The following SLC17A1 variants were observed in gnomAD, a reference collection of about 807,000 sequenced individuals.
SLC17A1 encodes sodium-dependent phosphate transport protein 1.
Under a neutral mutation model 53.5 loss-of-function variants are expected in SLC17A1, and 51 were observed. The observed-to-expected ratio is 0.95, with a 90% CI of 0.76 to 1.20. The LOEUF is 1.20. Ranked by LOEUF, SLC17A1 falls within the 50% of genes most tolerant of loss-of-function variation. The pLI, the probability that SLC17A1 is intolerant of heterozygous loss-of-function variation, is 0.00. For synonymous variants in SLC17A1, 179 were observed against 198.8 expected (o/e 0.90, Z 0.84); for missense variants, 538 against 568.2 (o/e 0.95, Z 0.54).
At chr6:25,756,220 A>G in the SLC17A1 span, among the ~76,000 whole-genome samples, 1 of 152,000 alleles carries the variant, frequency 6.6e-6, no homozygotes. Flanking sequence ...ATCTCCTACC[A>G]TTAACCTCCT....
intron 1 of SLC17A1, among the ~76,000 whole-genome samples, chr6:25,831,354 T>TGCC (rs1764940927): frequency 6.6e-6 from 1 of 152,102 alleles, no homozygotes; most frequent in Non-Finnish European, 1.5e-5. Context: ...GATACCAAAG[T>TGCC]CCTGAGATTG....
chr6:25,821,855 C>T (rs1764573916), intron 3 of SLC17A1, among the ~76,000 whole-genome samples: 1 of 152,010 alleles, frequency 6.6e-6, no homozygotes, highest in African/African-American at 2.4e-5. Context: ...TATATATACT[C>T]ATTTGTATGA....
the SLC17A1 span, among the ~76,000 whole-genome samples, chr6:25,728,106 C>T: frequency 3.3e-5 from 5 of 152,068 alleles, no homozygotes; most frequent in African/African-American, 9.7e-5. Context: ...AACTAAAAAG[C>T]GCAGCGACAT....
chr6:25,761,273 C>G, the SLC17A1 span, among the ~76,000 whole-genome samples: 2,230 of 152,272 alleles, frequency 0.015, 31 homozygotes, highest in Middle Eastern at 0.041. Flanking sequence ...CCTCTGTAAC[C>G]AAGTTTTGAA....
At chr6:25,760,775 T>A in the SLC17A1 span, among the ~76,000 whole-genome samples, 1,454 of 152,216 alleles carry the variant, frequency 9.6e-3, 16 homozygotes, top group Non-Finnish European at 0.013. Flanking sequence ...AATGCCTAAT[T>A]TTTTTTGTAT....
chr6:25,767,108 T>A, the SLC17A1 span, among the ~76,000 whole-genome samples: 1 of 152,144 alleles, frequency 6.6e-6, no homozygotes, highest in Non-Finnish European at 1.5e-5. Context: ...ATTAAAAATT[T>A]ATTAAGAAAA....
chr6:25,731,816 G>T, the SLC17A1 span: 1 of 1,601,176 alleles, frequency 6.2e-7, no homozygotes, highest in Admixed American at 1.7e-5. Flanking sequence ...TGACAGCCTT[G>T]GTGCCCTCCG....
the SLC17A1 span, chr6:25,770,947 T>C: frequency 6.2e-7 from 1 of 1,613,920 alleles, no homozygotes; most frequent in Non-Finnish European, 8.5e-7. Context: ...GGGTCCTTCA[T>C]TGTTCTACTT....
At chr6:25,812,798 G>A in intron 8 of SLC17A1, 33 bp downstream of exon 8, 1 of 1,522,052 alleles carries the variant, frequency 6.6e-7, no homozygotes, top group South Asian at 1.2e-5. Flanking sequence ...AGTCTTTCGT[G>A]AAGTTAAAAA....
the SLC17A1 span, among the ~76,000 whole-genome samples, chr6:25,756,126 C>A: frequency 6.6e-6 from 1 of 152,122 alleles, no homozygotes; most frequent in Non-Finnish European, 1.5e-5. Flanking sequence ...ATAGTAGATC[C>A]AGTCCCCTTA....
chr6:25,799,670 C>CCTA (rs1445217557), intron 11 of SLC17A1, among the ~76,000 whole-genome samples: 2 of 152,102 alleles, frequency 1.3e-5, no homozygotes, highest in African/African-American at 4.8e-5. Flanking sequence ...TGAGAACTGT[C>CCTA]TAAGTTAACT....
the SLC17A1 span, chr6:25,726,570 G>A: frequency 1.3e-6 from 2 of 1,573,510 alleles, no homozygotes; most frequent in Non-Finnish European, 1.7e-6. Context: ...CACATTTCTA[G>A]GGCTGCTACT....
downstream of SLC17A1, among the ~76,000 whole-genome samples, chr6:25,782,140 G>A (rs1449807873): frequency 6.6e-6 from 1 of 152,162 alleles, no homozygotes; most frequent in Non-Finnish European, 1.5e-5. Context: ...GCCCAAGATG[G>A]TGTCTTCATC....
intron 12 of SLC17A1, among the ~76,000 whole-genome samples, chr6:25,795,082 G>A (rs2151477738): frequency 6.6e-6 from 1 of 152,294 alleles, no homozygotes; most frequent in South Asian, 2.1e-4. Flanking sequence ...CAAACAGCAA[G>A]GCCCAGAATA....
chr6:25,822,906 A>G lies in SLC17A1; in HGVS notation c.208-2991T>C, dbSNP rs147764155. Among the ~76,000 whole-genome samples the G allele has an allele frequency of 7.6e-3, 1,154 of 152,264 alleles. 10 individuals are homozygous for G. The highest frequency in any genetic ancestry group is 0.017 in the Middle Eastern group (5 of 294). ...GTGAAGCTATCACCACAATTAAGAC[A>G]GTGAACATATTCTTTATCTCCAAAA... On this transcript the variant is annotated intron_variant, in intron 3 of 12. Coordinates refer to ENST00000244527, the MANE Select transcript of SLC17A1 (RefSeq NM_005074.5).
chr6:25,754,811 A>G, the SLC17A1 span: 1 of 152,112 alleles, frequency 6.6e-6, no homozygotes, highest in East Asian at 1.9e-4. Context: ...TTTACCCTTA[A>G]TATTCTGCTT....
At chr6:25,828,991 A>G (rs1432290565) in intron 2 of SLC17A1, among the ~76,000 whole-genome samples, 1 of 152,204 alleles carries the variant, frequency 6.6e-6, no homozygotes, top group Non-Finnish European at 1.5e-5. Flanking sequence ...TTCCGTTGTT[A>G]AAAGATAAGA....
At chr6:25,826,160 T>C (rs1764732612) in intron 3 of SLC17A1, among the ~76,000 whole-genome samples, 1 of 152,104 alleles carries the variant, frequency 6.6e-6, no homozygotes, top group South Asian at 2.1e-4. Context: ...CACCTTCCAC[T>C]CCTAATTTAA....
At chr6:25,799,360 T>C (rs1184977269) in intron 11 of SLC17A1, among the ~76,000 whole-genome samples, 1 of 152,204 alleles carries the variant, frequency 6.6e-6, no homozygotes, top group Non-Finnish European at 1.5e-5. Context: ...ATTACTCCCA[T>C]ATTATTTCAT....
Sources: allele counts gnomAD v4.1 joint callset (sites outside exome capture counted in the v4.1 genomes callset), GRCh38; gene constraint gnomAD v4.1.1; transcripts MANE v1.5; gene names NCBI Gene and HGNC (gene_info 2026-07-23, HGNC 2026-07-21).